The following EHMT1 variants were observed in gnomAD, a reference collection of about 807,000 sequenced individuals.
EHMT1 encodes euchromatic histone lysine methyltransferase 1, also known as histone-lysine N-methyltransferase EHMT1.
A neutral mutation model predicts 147.2 loss-of-function variants in EHMT1; 15 were observed. That is an observed-to-expected ratio of 0.10 (90% CI 0.07 to 0.16). The LOEUF is 0.16. EHMT1 is among the 10% of genes least tolerant of loss of function. EHMT1 has a pLI of 1.00. For missense variants in EHMT1, 1,587 were observed against 1,772.4 expected (o/e 0.90, Z 1.88); for synonymous variants, 795 against 709.6 (o/e 1.12, Z -1.91).
chr9:137,663,045 G>A (rs948502818), intron 1 of EHMT1, among the ~76,000 whole-genome samples: 7 of 150,870 alleles, frequency 4.6e-5, no homozygotes, highest in East Asian at 3.9e-4. Flanking sequence ...CACCTGCCTC[G>A]GCCTCCCAAA....
intron 18 of EHMT1, among the ~76,000 whole-genome samples, chr9:137,806,959 A>G (rs1953999478): frequency 6.6e-6 from 1 of 151,964 alleles, no homozygotes; most frequent in African/African-American, 2.4e-5. Context: ...TTTTTTCTGT[A>G]TCTCTTGGTT....
intron 3 of EHMT1, among the ~76,000 whole-genome samples, chr9:137,719,819 C>G (rs1479791349): frequency 6.6e-6 from 1 of 151,520 alleles, no homozygotes; most frequent in Non-Finnish European, 1.5e-5. Flanking sequence ...GTCGAGATGC[C>G]GAACCCCCTC....
chr9:137,715,659 T>C, intron 2 of EHMT1: 1 of 985,408 alleles, frequency 1.0e-6, no homozygotes, highest in Non-Finnish European at 1.2e-6. Context: ...TCTCGTGATG[T>C]AAAATAGTGT....
intron 1 of EHMT1, chr9:137,667,003 T>A (rs1428884437): frequency 6.6e-6 from 1 of 152,286 alleles, no homozygotes; most frequent in East Asian, 1.9e-4. Context: ...TAGGCTTCTC[T>A]CCTAGCTCTG....
chr9:137,780,483 G>A (rs897567513), intron 14 of EHMT1, among the ~76,000 whole-genome samples: 1 of 132,546 alleles, frequency 7.5e-6, no homozygotes. Context: ...ACGCTGAGAC[G>A]TGTGGTGATG....
At chr9:137,725,994 C>G (rs1182926985) in intron 3 of EHMT1, among the ~76,000 whole-genome samples, 1 of 152,136 alleles carries the variant, frequency 6.6e-6, no homozygotes, top group East Asian at 1.9e-4. Context: ...GCCACATGTT[C>G]ACCCATGTCA....
chr9:137,769,488 T>C (rs1355469302), intron 10 of EHMT1, among the ~76,000 whole-genome samples: 1 of 152,256 alleles, frequency 6.6e-6, no homozygotes, highest in Non-Finnish European at 1.5e-5. Context: ...TTTTCAAAGA[T>C]ACTTACTTCC....
intron 3 of EHMT1, among the ~76,000 whole-genome samples, chr9:137,719,754 G>T (rs1054474371): frequency 6.6e-6 from 1 of 152,158 alleles, no homozygotes; most frequent in Admixed American, 6.5e-5. Context: ...CGTGCATCAC[G>T]TGCAGGGTGT....
intron 2 of EHMT1, chr9:137,715,839 A>T: frequency 1.0e-6 from 1 of 985,170 alleles, no homozygotes; most frequent in South Asian, 4.7e-5. Flanking sequence ...TCTATCTCCA[A>T]ATAACACTCC....
intron 1 of EHMT1, among the ~76,000 whole-genome samples, chr9:137,661,205 CAT>C (rs1399263742): frequency 6.6e-6 from 1 of 152,144 alleles, no homozygotes; most frequent in Non-Finnish European, 1.5e-5. Context: ...CAAGTGTTAA[CAT>C]TTTACCACAT....
rs139260652 is a variant in EHMT1 at position 137,652,665 on chromosome 9, C to T, written c.21+33616C>T. Among the ~76,000 whole-genome samples, 1,134 of 151,534 alleles carry T rather than the reference C, an allele frequency of 7.5e-3. 25 individuals are homozygous for T. The highest frequency in any genetic ancestry group is 0.026 in the African/African-American group (1,065 of 41,258). On this transcript the variant is annotated intron_variant, in intron 1 of 26. Transcript: ENST00000460843. ...CCTCCCAGAGTGTTGGGATTACAGG[C>T]GTGAGCCACCGCGCCTGGCTAGTGT...
chr9:137,822,763 CAT>C (rs1955517632), intron 25 of EHMT1, among the ~76,000 whole-genome samples: 1 of 151,946 alleles, frequency 6.6e-6, no homozygotes, highest in Admixed American at 6.6e-5. Context: ...TGTGGTGGCG[CAT>C]GCCTGTAATC....
In EHMT1 at chr9:137,757,875, C is replaced by T. The variant is rs759328459; in HGVS notation, c.1370-5C>T. 1.9e-6 allele frequency: 3 copies of T among 1,613,754 alleles called. No individual in the cohort carries two copies. In the Admixed American group the frequency reaches 5.0e-5, roughly 27 times the overall value. ...GTGTCTGATGTGTGTGCCTTTCATA[C>T]CTAGGTTCTGAGTCGTATAAGTCAT... On this transcript the variant is annotated splice_region_variant and splice_polypyrimidine_tract_variant and intron_variant, in intron 8 of 26. Transcript: ENST00000460843.
rs1427438113 is a variant in EHMT1, at chr9:137,814,462, G to C, written c.3212G>C (p.Ser1071Thr). The C allele has an allele frequency of 1.2e-6, 2 of 1,610,134 alleles. No individual in the cohort carries two copies. Among genetic ancestry groups the C allele is most frequent in the African/African-American group, 2.7e-5 (2 of 74,932 alleles). The change falls in exon 22 of 27, where the codon AGC becomes ACC. Residue 1071 changes from serine (S) to threonine (T), a missense_variant. This residue lies in a region of EHMT1 where 156 missense variants were observed against 252.5 expected (regional missense o/e 0.62). Transcript: ENST00000460843. ...GTGTGCATCGACGACTGCTCCTCCA[G>C]CAACTGCATGTGCGGCCAGCTCAGC... ...YCVCIDDCSS[S>T]NCMCGQLSMR...
intron 4 of EHMT1, among the ~76,000 whole-genome samples, chr9:137,742,289 T>TTTTG (rs1554858062): frequency 2.2e-5 from 3 of 135,070 alleles, no homozygotes; most frequent in African/African-American, 5.8e-5. Flanking sequence ...AGAACCAAAT[T>TTTTG]TGTGTGTGTG....
rs1393718036 is a variant in EHMT1 at position 137,752,338 on chromosome 9, G to A, written c.1178G>A (p.Gly393Glu). Reference sequence around the variant, plus strand: ...GACTGTGTGGCTGATCAGATGGACGGGGAGTCCGAGGAGGAGCAGGAGTCC... The same window carrying A: ...GACTGTGTGGCTGATCAGATGGACGAGGAGTCCGAGGAGGAGCAGGAGTCC... ...SEADRAQKMDGESEEEQESVD... is the reference protein window; with the variant it reads ...SEADRAQKMDEESEEEQESVD... The change falls in exon 7 of 27, where the codon GGG (glycine) becomes GAG (glutamate). Residue 393 changes from glycine to glutamate, a missense_variant. Around this residue, in one of 7 missense-constraint regions of EHMT1, gnomAD observed 810 missense variants for 673.0 expected, o/e 1.20. Coordinates refer to ENST00000460843, the MANE Select transcript of EHMT1 (RefSeq NM_024757.5). The A allele has an allele frequency of 1.9e-6, 3 of 1,614,050 alleles. No homozygotes were observed. The African/African-American group carries it at 4.0e-5, about 22-fold the overall frequency.
intron 25 of EHMT1, among the ~76,000 whole-genome samples, chr9:137,833,261 G>C (rs1286880317): frequency 6.6e-6 from 1 of 152,238 alleles, no homozygotes; most frequent in Non-Finnish European, 1.5e-5. Flanking sequence ...AAAGCCCCAG[G>C]TGCCTCCTTC....
At chr9:137,761,625 G>C (rs1237102556) in intron 9 of EHMT1, among the ~76,000 whole-genome samples, 3 of 151,336 alleles carry the variant, frequency 2.0e-5, no homozygotes, top group Non-Finnish European at 4.4e-5. Context: ...GCTAATTTTT[G>C]TATTTTTTTT....
rs765407306 is a variant in EHMT1 at position 137,813,176 on chromosome 9, G to A, written c.3035+3G>A. The A allele has an allele frequency of 3.1e-5, 50 of 1,608,306 alleles. No individual in the cohort carries two copies. The highest frequency in any genetic ancestry group is 4.1e-5 in the Non-Finnish European group (48 of 1,179,922). On this transcript the variant is annotated splice_donor_region_variant and intron_variant, in intron 20 of 26. Coordinates refer to ENST00000460843, the MANE Select transcript of EHMT1 (RefSeq NM_024757.5). This position sits in a 1 kb window ranked among gnomAD's most constrained non-coding sequence, Gnocchi z 4.9. Reference sequence around the variant, plus strand: ...CCCGTGGAGAGGATAGTGAGCAGGTGAGCCCAGCCCCAGGACGGCTTTGTG... The same window carrying A: ...CCCGTGGAGAGGATAGTGAGCAGGTAAGCCCAGCCCCAGGACGGCTTTGTG...
Sources: allele counts gnomAD v4.1 joint callset (sites outside exome capture counted in the v4.1 genomes callset), GRCh38; gene constraint gnomAD v4.1.1; regional missense constraint gnomAD v4.1.1; non-coding constraint Gnocchi (gnomAD v3.1); transcripts MANE v1.5; gene names NCBI Gene and HGNC (gene_info 2026-07-23, HGNC 2026-07-21).